Variants in PKN2 observed in about 807,000 individuals in gnomAD.
The protein encoded by PKN2 is serine/threonine-protein kinase N2.
A neutral mutation model predicts 119.1 loss-of-function variants in PKN2; 38 were observed. That is an observed-to-expected ratio of 0.32 (90% CI 0.25 to 0.42). The LOEUF is 0.42. Among genes scored for constraint, PKN2 ranks in the 10% least tolerant of loss-of-function variants. PKN2 has a pLI of 1.00. For missense variants in PKN2, 850 were observed against 1,165.1 expected (o/e 0.73, Z 3.94); for synonymous variants, 390 against 384.9 (o/e 1.01, Z -0.15).
rs76442107 is a variant in PKN2 at position 88,834,384 on chromosome 1, G to A, written c.*936G>A. On this transcript the variant is annotated 3_prime_UTR_variant, in exon 22 of 22. Coordinates refer to ENST00000370521, the MANE Select transcript of PKN2 (RefSeq NM_006256.4). Reference sequence around the variant, plus strand: ...GAACCATAACTTGGTTAAACCGTAGGGATTATCATTGTATACATGCTGTGA... The same window carrying A: ...GAACCATAACTTGGTTAAACCGTAGAGATTATCATTGTATACATGCTGTGA... 944 of 152,376 alleles carry A rather than the reference G, an allele frequency of 6.2e-3. 12 individuals are homozygous for A. In the South Asian group the frequency reaches 0.067, roughly 11 times the overall value. 9.4% of individuals were successfully genotyped at this position (152,376 alleles called of 1,614,324 possible).
At chr1:88,757,264 G>C (rs1436985594) in intron 2 of PKN2, among the ~76,000 whole-genome samples, 1 of 152,098 alleles carries the variant, frequency 6.6e-6, no homozygotes, top group Non-Finnish European at 1.5e-5. Context: ...ACATGTGTTT[G>C]CGCAGATATC....
intron 3 of PKN2, among the ~76,000 whole-genome samples, chr1:88,763,790 G>T (rs1669546329): frequency 2.0e-5 from 3 of 152,098 alleles, no homozygotes; most frequent in Non-Finnish European, 2.9e-5. Flanking sequence ...TTGGTATCTT[G>T]GATATGAGGA....
chr1:88,768,168 G>A (rs1188887259), intron 3 of PKN2, among the ~76,000 whole-genome samples: 1 of 152,146 alleles, frequency 6.6e-6, no homozygotes, highest in Non-Finnish European at 1.5e-5. Flanking sequence ...ACAGGAAATG[G>A]CATTAACTTC....
At chr1:88,769,135 A>G (rs1310068564) in intron 3 of PKN2, among the ~76,000 whole-genome samples, 1 of 152,236 alleles carries the variant, frequency 6.6e-6, no homozygotes, top group Non-Finnish European at 1.5e-5. Context: ...TACATTTCAA[A>G]ATGAGATTTA....
rs1272646671 is a variant in PKN2 at position 88,836,229 on chromosome 1, G to A, written c.*2781G>A. 6.6e-6 allele frequency: 1 copy of A among 152,054 alleles called. No individual in the cohort carries two copies. The highest frequency in any genetic ancestry group is 2.1e-4 in the South Asian group (1 of 4,828). The allele number at this position is 152,054 out of a possible 1,614,324, so 9.4% of individuals were successfully genotyped here. On this transcript the variant is annotated 3_prime_UTR_variant, in exon 22 of 22. Transcript: ENST00000370521. Reference sequence around the variant, plus strand: ...ATTTAGGACCTGGCTTCTCAAAAAGGCAAATGAATAAAACAGAATACTAGT... The same window carrying A: ...ATTTAGGACCTGGCTTCTCAAAAAGACAAATGAATAAAACAGAATACTAGT...
At chr1:88,744,047 A>G (rs1668674939) in intron 2 of PKN2, among the ~76,000 whole-genome samples, 1 of 152,184 alleles carries the variant, frequency 6.6e-6, no homozygotes, top group African/African-American at 2.4e-5. Context: ...ACAACTTGGT[A>G]ATAAGTCATT....
At chr1:88,806,310 C>T in intron 12 of PKN2, 1 of 332,864 alleles carries the variant, frequency 3.0e-6, no homozygotes, top group Non-Finnish European at 5.6e-6. Context: ...ACTGGGGTTA[C>T]AGGCACATGC....
intron 1 of PKN2, among the ~76,000 whole-genome samples, chr1:88,687,853 T>TAGA (rs1199264723): frequency 6.6e-6 from 1 of 152,218 alleles, no homozygotes; most frequent in Non-Finnish European, 1.5e-5. Flanking sequence ...ATAATTGTAC[T>TAGA]AGAAGATAAT....
intron 6 of PKN2, among the ~76,000 whole-genome samples, chr1:88,777,147 T>C (rs1670141113): frequency 1.3e-5 from 2 of 152,208 alleles, no homozygotes; most frequent in Non-Finnish European, 2.9e-5. Context: ...TACCTTCAAA[T>C]TGGCTCACTT....
At chr1:88,747,657 A>C (rs1668823319) in intron 2 of PKN2, among the ~76,000 whole-genome samples, 1 of 152,126 alleles carries the variant, frequency 6.6e-6, no homozygotes, top group Non-Finnish European at 1.5e-5. Context: ...GGTAGTGTAT[A>C]GTCTCTGTTT....
intron 1 of PKN2, among the ~76,000 whole-genome samples, chr1:88,712,654 T>A (rs1667281015): frequency 6.6e-6 from 1 of 152,208 alleles, no homozygotes; most frequent in Non-Finnish European, 1.5e-5. Context: ...TACCATAAAA[T>A]GTAAAGTATT....
chr1:88,718,897 C>G (rs1454873548), intron 1 of PKN2, among the ~76,000 whole-genome samples: 1 of 152,052 alleles, frequency 6.6e-6, no homozygotes, highest in Non-Finnish European at 1.5e-5. Flanking sequence ...GTTGTATTGA[C>G]CAGCCATCAA....
At chr1:88,724,141 A>G (rs2100712007) in intron 1 of PKN2, among the ~76,000 whole-genome samples, 1 of 152,326 alleles carries the variant, frequency 6.6e-6, no homozygotes, top group East Asian at 1.9e-4. Flanking sequence ...AAGTTAGATA[A>G]CTATTTACTT....
intron 1 of PKN2, among the ~76,000 whole-genome samples, chr1:88,723,858 A>G (rs1374824894): frequency 6.6e-6 from 1 of 152,180 alleles, no homozygotes; most frequent in Non-Finnish European, 1.5e-5. Context: ...TACTGAGCAT[A>G]TACACCCCCT....
At chr1:88,719,855 G>C (rs1465892950) in intron 1 of PKN2, among the ~76,000 whole-genome samples, 2 of 151,910 alleles carry the variant, frequency 1.3e-5, no homozygotes, top group Admixed American at 6.6e-5. Context: ...CTTGATAATT[G>C]CATAAGTGAT....
intron 1 of PKN2, among the ~76,000 whole-genome samples, chr1:88,700,831 G>T (rs1666742833): frequency 6.6e-6 from 1 of 152,146 alleles, no homozygotes; most frequent in Non-Finnish European, 1.5e-5. Flanking sequence ...GACAGTGGCT[G>T]CTGATTAATG....
At chr1:88,748,447 A>G (rs1668857841) in intron 2 of PKN2, among the ~76,000 whole-genome samples, 1 of 152,168 alleles carries the variant, frequency 6.6e-6, no homozygotes, top group Admixed American at 6.5e-5. Context: ...CCTGAGTAAT[A>G]GTTGATTGTA....
intron 6 of PKN2, among the ~76,000 whole-genome samples, chr1:88,784,182 G>A (rs1414052031): frequency 1.5e-5 from 2 of 137,036 alleles, no homozygotes; most frequent in African/African-American, 5.7e-5. Flanking sequence ...GGAATGCAGT[G>A]GTGCAATCTT....
chr1:88,690,799 TTGA>T (rs1666301653), intron 1 of PKN2, among the ~76,000 whole-genome samples: 1 of 152,180 alleles, frequency 6.6e-6, no homozygotes, highest in African/African-American at 2.4e-5. Flanking sequence ...GACAGTGTAC[TTGA>T]TGACAGTAAA....
Sources: allele counts gnomAD v4.1 joint callset (sites outside exome capture counted in the v4.1 genomes callset), GRCh38; gene constraint gnomAD v4.1.1; transcripts MANE v1.5; gene names NCBI Gene and HGNC (gene_info 2026-07-23, HGNC 2026-07-21).